CFAP74: variants seen among roughly 807,000 people sequenced by gnomAD.
The protein encoded by CFAP74 is cilia and flagella associated protein 74.
A neutral mutation model predicts 188.9 loss-of-function variants in CFAP74; 124 were observed. That is an observed-to-expected ratio of 0.66 (90% CI 0.57 to 0.76). The LOEUF (loss-of-function observed/expected upper bound fraction) is 0.76. CFAP74 is among the 30% of genes least tolerant of loss of function. The pLI is 0.00. For synonymous variants in CFAP74, 956 were observed against 916.7 expected (o/e 1.04, Z -0.77); for missense variants, 2,198 against 2,165.2 (o/e 1.02, Z -0.30).
chr1:1,949,052 TTTCC>T (rs202218537), intron 18 of CFAP74, among the ~76,000 whole-genome samples: 18,770 of 94,138 alleles, frequency 0.2, 2,298 homozygotes, highest in Non-Finnish European at 0.24. Context: ...CCTTCCCTCC[TTTCC>T]TTCCTTCCTT....
chr1:1,924,753 G>A (rs554501755), intron 33 of CFAP74, among the ~76,000 whole-genome samples: 11 of 152,322 alleles, frequency 7.2e-5, no homozygotes, highest in South Asian at 2.1e-4. Flanking sequence ...CCTAGGGTGC[G>A]TGGACAGCTC....
In CFAP74 at chr1:1,926,699, G is replaced by A. The variant is rs141341527; in HGVS notation, c.3725C>T (p.Thr1242Met). ...AAAGATGGTCTTGCCTTTATGGGAC[G>A]TCACCACAACAGATGGTGCCACCGT... ...CPTVAPSVVV[T>M]SHKGKTIFNF... Residue 1242 changes from threonine (T) to methionine (M), a missense_variant, in exon 30 of 39, where the codon ACG (threonine) becomes ATG (methionine). Physicochemically the swap from Thr to Met is moderately conservative, Grantham distance 81. Transcript: ENST00000682832. 375 of 1,550,158 alleles carry A rather than the reference G, an allele frequency of 2.4e-4. 1 individual carries two copies. The highest frequency in any genetic ancestry group is 3.0e-4 in the Non-Finnish European group (343 of 1,146,838).
At chr1:1,991,894 G>T (rs1435683012) in intron 1 of CFAP74, among the ~76,000 whole-genome samples, 1 of 151,832 alleles carries the variant, frequency 6.6e-6, no homozygotes, top group Non-Finnish European at 1.5e-5. Flanking sequence ...GAAAAAATTA[G>T]CCGGGCATGG....
chr1:1,955,603 C>A (rs1425346664), intron 18 of CFAP74, 88 bp downstream of exon 18: 1 of 1,612,296 alleles, frequency 6.2e-7, no homozygotes, highest in African/African-American at 1.3e-5. Flanking sequence ...ACTTTCCAGC[C>A]CTCCCCTGGG....
intron 8 of CFAP74, 110 bp downstream of exon 8, chr1:1,972,827 G>A (rs984029025): frequency 1.2e-6 from 1 of 810,438 alleles, no homozygotes; most frequent in Non-Finnish European, 2.1e-6. Flanking sequence ...GGGCGACAGA[G>A]CAAGGCTCCA....
chr1:1,981,564 C>T (rs1656856879), intron 6 of CFAP74, among the ~76,000 whole-genome samples: 1 of 102,618 alleles, frequency 9.7e-6, no homozygotes, highest in Non-Finnish European at 1.8e-5. Context: ...GGGGGGCACA[C>T]AGGACACCCA....
chr1:1,999,784 T>C (rs1219702198), intron 1 of CFAP74, among the ~76,000 whole-genome samples: 1 of 152,094 alleles, frequency 6.6e-6, no homozygotes, highest in Non-Finnish European at 1.5e-5. Flanking sequence ...GCCACTGCAC[T>C]ACAGCTTAGG....
Position 1,970,823 on chromosome 1 carries a change from A to G in CFAP74, c.889-7T>C. 1.2e-6 allele frequency: 2 copies of G among 1,613,816 alleles called. No individual in the cohort carries two copies. Among genetic ancestry groups the G allele is most frequent in the South Asian group, 2.2e-5 (2 of 91,084 alleles). ...GGAACTTCCGCAGTGTGTCCTTGGA[A>G]ACAGAGAGCACTGAGATGACAGCAG... is the stretch of plus-strand genomic sequence containing the variant. On this transcript the variant is annotated splice_region_variant and splice_polypyrimidine_tract_variant and intron_variant, in intron 9 of 38. Transcript: ENST00000682832.
At chr1:1,997,736 C>G (rs928161650) in intron 1 of CFAP74, among the ~76,000 whole-genome samples, 1 of 152,052 alleles carries the variant, frequency 6.6e-6, no homozygotes, top group Non-Finnish European at 1.5e-5. Flanking sequence ...GGAACCCCCT[C>G]GGGCAGCATG....
rs971280951 is a variant in CFAP74, at chr1:1,956,606, A to C, written c.2016+14T>G. ...AGGTCCCCACACTCCCCCATGGCTG[A>C]GTGGCACACTCACTAATTTCAGGGC... On this transcript the variant is annotated intron_variant, in intron 17 of 38. Coordinates refer to ENST00000682832, the MANE Select transcript of CFAP74 (RefSeq NM_001304360.2). 5.0e-6 allele frequency: 8 copies of C among 1,614,086 alleles called. No individual in the cohort carries two copies. The highest frequency in any genetic ancestry group is 6.8e-6 in the Non-Finnish European group (8 of 1,180,006).
chr1:1,967,731 C>T (rs1655569706), intron 11 of CFAP74, among the ~76,000 whole-genome samples: 1 of 152,164 alleles, frequency 6.6e-6, no homozygotes, highest in Non-Finnish European at 1.5e-5. Flanking sequence ...TTTTGGGGTA[C>T]ACAAGGGCAG....
intron 14 of CFAP74, among the ~76,000 whole-genome samples, chr1:1,961,169 G>A (rs762991049): frequency 3.9e-5 from 6 of 152,150 alleles, no homozygotes; most frequent in Non-Finnish European, 5.9e-5. Flanking sequence ...TTTCCAACCC[G>A]ACGGGGAGGT....
In CFAP74 at chr1:1,946,293, T is replaced by C. The variant is rs755242100; in HGVS notation, c.2364+24A>G. 23 of 1,526,390 alleles carry C rather than the reference T, an allele frequency of 1.5e-5. No individual in the cohort carries two copies. In the South Asian group the frequency reaches 2.8e-4, roughly 18 times the overall value. 94.6% of individuals were successfully genotyped at this position (1,526,390 alleles called of 1,614,324 possible). ...GGAGGCAGGGGCCAGGGTGTGTGCG[T>C]GGCGTGGCAGCAGGAATACTCACCG... On this transcript the variant is annotated intron_variant, in intron 20 of 38. Transcript: ENST00000682832.
intron 6 of CFAP74, among the ~76,000 whole-genome samples, chr1:1,977,871 G>A (rs866576770): frequency 1.3e-5 from 2 of 152,272 alleles, no homozygotes; most frequent in Middle Eastern, 6.8e-3. Flanking sequence ...ATGGTGTCTC[G>A]CTCTGTGGCC....
intron 6 of CFAP74, among the ~76,000 whole-genome samples, chr1:1,982,213 T>A (rs1198775545): frequency 2.5e-4 from 32 of 127,986 alleles, no homozygotes; most frequent in Non-Finnish European, 1.0e-4. Flanking sequence ...CCAGCCGTGG[T>A]CACACGCGGG....
intron 8 of CFAP74, 72 bp from the exon 9 acceptor site, chr1:1,972,154 C>A (rs1321352752): frequency 3.4e-6 from 4 of 1,165,986 alleles, no homozygotes; most frequent in Non-Finnish European, 5.1e-6. Flanking sequence ...GATCACAGCT[C>A]TCTGCAGCCT....
At position 1,923,434 on chromosome 1, in the gene CFAP74, G is replaced by A. The variant is rs186328617; in HGVS notation, c.4455C>T (p.Gly1485=). Residue 1485 remains glycine, a synonymous_variant, in exon 36 of 39, where the codon GGC becomes GGT. Coordinates refer to ENST00000682832, the MANE Select transcript of CFAP74 (RefSeq NM_001304360.2). The surrounding 1 kb of genome is among the most constrained non-coding windows in gnomAD (Gnocchi z 6.3). ...ACQHMMFVEG[G]DPLDVPVESL... ...ACTCCACGGGCACGTCCAGGGGGTC[G>A]CCGCCCTCCACGAACATCATGTGCT... 78 of 1,605,694 alleles carry A rather than the reference G, an allele frequency of 4.9e-5. No homozygotes were observed. The East Asian group carries it at 9.4e-4, about 19-fold the overall frequency.
rs771497927 is a variant in CFAP74 at position 1,942,045 on chromosome 1, C to G, written c.2598G>C (p.Gln866His). ...GCACCTACCGCGGCAGGAACTTGAG[C>G]TGCACGGAGTAGGACGACTGTGCCT... is the stretch of plus-strand genomic sequence containing the variant. ...YIQAQSSYSVQLKFLPRHSLP... is the reference protein window; with the variant it reads ...YIQAQSSYSVHLKFLPRHSLP... The change falls in exon 22 of 39, where the codon CAG becomes CAC. Residue 866 changes from glutamine to histidine, a missense_variant. Gln to His is a conservative substitution (Grantham distance 24, BLOSUM62 0). Transcript: ENST00000682832. The surrounding 1 kb of genome is among the most constrained non-coding windows in gnomAD (Gnocchi z 4.3). The G allele has an allele frequency of 8.5e-5, 129 of 1,516,738 alleles. No individual in the cohort carries two copies. The highest frequency in any genetic ancestry group is 1.1e-4 in the Non-Finnish European group (127 of 1,138,546). The allele number at this position is 1,516,738 out of a possible 1,614,324, so 94.0% of individuals were successfully genotyped here. A position where few individuals can be genotyped will look rare whatever the true frequency, so the allele number is the denominator to read the frequency against.
At position 1,988,576 on chromosome 1, in the gene CFAP74, G is replaced by A. The variant is rs199576325; in HGVS notation, c.232C>T (p.Arg78Trp). 4.9e-5 allele frequency: 79 copies of A among 1,613,274 alleles called. No individual in the cohort carries two copies. Among genetic ancestry groups the A allele is most frequent in the Middle Eastern group, 3.3e-4 (2 of 6,064 alleles). ...AEDRTQAFHLRQNLSALDKMH... is the reference protein window; with the variant it reads ...AEDRTQAFHLWQNLSALDKMH... ...TTATCCAGGGCGCTCAGGTTCTGCC[G>A]CAGGTGAAATGCCTGCGTTCTGTCC... The change falls in exon 4 of 39, where the codon CGG (arginine) becomes TGG (tryptophan). Residue 78 changes from arginine to tryptophan, a missense_variant. Transcript: ENST00000682832.
Sources: gnomAD v4.1 joint callset for allele counts (sites outside exome capture counted in the v4.1 genomes callset) on GRCh38, gnomAD v4.1.1 for gene constraint, Gnocchi (gnomAD v3.1) non-coding constraint, MANE v1.5 for transcripts, NCBI Gene and HGNC (gene_info 2026-07-23, HGNC 2026-07-21) for gene names.